The following PKP4 variants were observed in gnomAD, a reference collection of about 807,000 sequenced individuals.
PKP4 encodes the protein plakophilin 4, also known as plakophilin-4.
PKP4 carries 90 observed loss-of-function variants against 145.1 expected under a neutral mutation model. The observed-to-expected ratio is 0.62, with a 90% CI of 0.52 to 0.74. PKP4 has a LOEUF of 0.74. Among genes scored for constraint, PKP4 ranks in the 30% least tolerant of loss-of-function variants. The pLI, the probability that PKP4 is intolerant of heterozygous loss-of-function variation, is 0.00. For synonymous variants in PKP4, 563 were observed against 577.2 expected (o/e 0.98, Z 0.35); for missense variants, 1,340 against 1,482.7 (o/e 0.90, Z 1.58).
intron 1 of PKP4, among the ~76,000 whole-genome samples, chr2:158,465,649 G>A (rs1690495412): frequency 6.6e-6 from 1 of 152,086 alleles, no homozygotes; most frequent in Non-Finnish European, 1.5e-5. Flanking sequence ...CCATTGTTAT[G>A]AATAAACAGA....
At chr2:158,534,014 GT>G (rs891454446) in intron 2 of PKP4, among the ~76,000 whole-genome samples, 8 of 149,700 alleles carry the variant, frequency 5.3e-5, no homozygotes, top group Middle Eastern at 6.9e-3. Context: ...TGGTTTTTTT[GT>G]TTTTTTTTCC....
intron 3 of PKP4, among the ~76,000 whole-genome samples, chr2:158,589,918 G>A (rs1484528123): frequency 6.6e-6 from 1 of 152,070 alleles, no homozygotes; most frequent in African/African-American, 2.4e-5. Flanking sequence ...AAAAGTGAGG[G>A]CCATCCACTA....
At chr2:158,594,168 A>C (rs1473393984) in intron 3 of PKP4, among the ~76,000 whole-genome samples, 1 of 152,010 alleles carries the variant, frequency 6.6e-6, no homozygotes, top group African/African-American at 2.4e-5. Context: ...TTTGGAGTGG[A>C]GATGGATTGA....
intron 9 of PKP4, among the ~76,000 whole-genome samples, chr2:158,637,506 CCA>C (rs939735631): frequency 6.6e-6 from 1 of 152,176 alleles, no homozygotes; most frequent in Admixed American, 6.5e-5. Flanking sequence ...CACATTCTAA[CCA>C]CTTTGGCACC....
intron 1 of PKP4, among the ~76,000 whole-genome samples, chr2:158,491,418 A>C (rs927960905): frequency 2.0e-5 from 3 of 151,862 alleles, no homozygotes; most frequent in Non-Finnish European, 2.9e-5. Context: ...GTGTAAATCA[A>C]CTCATTTTCA....
chr2:158,638,977 T>C (rs2054043587), intron 9 of PKP4, among the ~76,000 whole-genome samples: 1 of 152,176 alleles, frequency 6.6e-6, no homozygotes, highest in South Asian at 2.1e-4. Flanking sequence ...ACTCTCCTGC[T>C]TCACAGCCTT....
intron 1 of PKP4, among the ~76,000 whole-genome samples, chr2:158,466,999 A>G (rs974195321): frequency 1.1e-4 from 17 of 152,274 alleles, no homozygotes; most frequent in African/African-American, 3.9e-4. Flanking sequence ...AAATGTTACA[A>G]AAATGCTAAG....
chr2:158,623,187 A>G (rs925595061), intron 6 of PKP4, among the ~76,000 whole-genome samples: 2 of 152,032 alleles, frequency 1.3e-5, no homozygotes. Flanking sequence ...TTCTTAATTA[A>G]TAGAGACAAG....
intron 2 of PKP4, among the ~76,000 whole-genome samples, chr2:158,573,749 G>C (rs2047605227): frequency 6.6e-6 from 1 of 152,196 alleles, no homozygotes; most frequent in Admixed American, 6.5e-5. Flanking sequence ...CTGTGGAGGA[G>C]AGGGGAAGGG....
intron 1 of PKP4, among the ~76,000 whole-genome samples, chr2:158,474,015 A>G (rs1441240849): frequency 1.3e-5 from 2 of 152,246 alleles, no homozygotes; most frequent in African/African-American, 4.8e-5. Context: ...TATGCATTAC[A>G]GAATAAAATT....
chr2:158,663,785 C>T (rs1335259736), intron 15 of PKP4, among the ~76,000 whole-genome samples: 2 of 152,162 alleles, frequency 1.3e-5, no homozygotes, highest in African/African-American at 2.4e-5. Flanking sequence ...AGGAAAAGAG[C>T]GGAGTAAGGA....
intron 1 of PKP4, among the ~76,000 whole-genome samples, chr2:158,479,196 G>A (rs989063925): frequency 1.3e-5 from 2 of 151,694 alleles, no homozygotes; most frequent in Non-Finnish European, 2.9e-5. Context: ...TTTAAATTCA[G>A]CATTTAATTT....
At chr2:158,502,826 G>T (rs1373518823) in intron 1 of PKP4, among the ~76,000 whole-genome samples, 2 of 152,198 alleles carry the variant, frequency 1.3e-5, no homozygotes, top group African/African-American at 2.4e-5. Flanking sequence ...GTTAGAGATG[G>T]TTTTTGTAAG....
intron 2 of PKP4, among the ~76,000 whole-genome samples, chr2:158,540,572 T>G (rs2044428757): frequency 6.6e-6 from 1 of 152,164 alleles, no homozygotes; most frequent in Non-Finnish European, 1.5e-5. Context: ...AAACCGTATT[T>G]ATACTTCAAT....
intron 3 of PKP4, among the ~76,000 whole-genome samples, chr2:158,587,010 T>C (rs1035044637): frequency 5.3e-5 from 8 of 152,210 alleles, no homozygotes; most frequent in Non-Finnish European, 1.2e-4. Context: ...TAATAGAATC[T>C]TTTTTGAACC....
intron 1 of PKP4, among the ~76,000 whole-genome samples, chr2:158,518,128 C>T (rs915383851): frequency 6.6e-6 from 1 of 152,154 alleles, no homozygotes; most frequent in Non-Finnish European, 1.5e-5. Context: ...CTGGTCTGGC[C>T]TAGGCTCAGT....
intron 1 of PKP4, among the ~76,000 whole-genome samples, chr2:158,518,588 T>C (rs1006780258): frequency 6.6e-5 from 10 of 152,248 alleles, no homozygotes; most frequent in Non-Finnish European, 1.5e-5. Context: ...GTAGGTTTAA[T>C]CTTCAGTTTT....
chr2:158,492,048 G>A (rs1034660431), intron 1 of PKP4, among the ~76,000 whole-genome samples: 3 of 152,100 alleles, frequency 2.0e-5, no homozygotes, highest in Admixed American at 6.5e-5. Context: ...GGCTGAAATA[G>A]TCCTCCTATC....
In PKP4 at chr2:158,535,196, C is replaced by T. The variant is rs78119568; in HGVS notation, c.132+1880C>T. 8.9e-3 allele frequency among the ~76,000 whole-genome samples: 1,356 copies of T among 152,208 alleles called. 17 individuals are homozygous for T. Among genetic ancestry groups the T allele is most frequent in the African/African-American group, 0.03 (1,265 of 41,518 alleles). On this transcript the variant is annotated intron_variant, in intron 2 of 21. Coordinates refer to ENST00000389759, the MANE Select transcript of PKP4 (RefSeq NM_003628.6). ...TGGAATAAAAATTTCTTAAGACTCT[C>T]CTGAAATATGTCACTTCCTATCATC...
Sources: allele counts gnomAD v4.1 joint callset (sites outside exome capture counted in the v4.1 genomes callset), GRCh38; gene constraint gnomAD v4.1.1; transcripts MANE v1.5; gene names NCBI Gene and HGNC (gene_info 2026-07-23, HGNC 2026-07-21).